The following ALK variants were observed in gnomAD, a reference collection of about 807,000 sequenced individuals.
The protein encoded by ALK is ALK receptor tyrosine kinase.
Under a neutral mutation model 163.1 loss-of-function variants are expected in ALK, and 74 were observed. That is an observed-to-expected ratio of 0.45 (90% CI 0.38 to 0.55). The LOEUF is 0.55. Among genes scored for constraint, ALK ranks in the 20% least tolerant of loss-of-function variants. ALK has a pLI of 0.00. For synonymous variants in ALK, 960 were observed against 843.2 expected (o/e 1.14, Z -2.40); for missense variants, 2,063 against 2,105.3 (o/e 0.98, Z 0.39).
chr2:29,197,133 T>C (rs1669042918), intron 27 of ALK, among the ~76,000 whole-genome samples: 1 of 152,204 alleles, frequency 6.6e-6, no homozygotes, highest in African/African-American at 2.4e-5. Flanking sequence ...ATTCCAATTA[T>C]ATTTCCCATC....
At chr2:29,378,848 C>G (rs1668822755) in intron 5 of ALK, among the ~76,000 whole-genome samples, 1 of 152,070 alleles carries the variant, frequency 6.6e-6, no homozygotes, top group African/African-American at 2.4e-5. Flanking sequence ...GTAGCTGAGA[C>G]CACAGGTGCA....
intron 4 of ALK, among the ~76,000 whole-genome samples, chr2:29,494,983 C>T (rs900621318): frequency 1.3e-5 from 2 of 152,128 alleles, no homozygotes; most frequent in African/African-American, 2.4e-5. Flanking sequence ...ATAGATATCG[C>T]TCACCTGCGA....
At chr2:29,655,805 T>C (rs1043144549) in intron 3 of ALK, among the ~76,000 whole-genome samples, 4 of 152,228 alleles carry the variant, frequency 2.6e-5, no homozygotes, top group Non-Finnish European at 5.9e-5. Flanking sequence ...GTTTCTCTTT[T>C]CTGAAGGATT....
chr2:29,447,469 A>G (rs552766772), intron 4 of ALK, among the ~76,000 whole-genome samples: 2 of 152,346 alleles, frequency 1.3e-5, no homozygotes, highest in East Asian at 1.9e-4. Context: ...GAGGGAAAAA[A>G]AAAATCTCGT....
At chr2:29,235,856 C>CTTTTTTTT (rs569363324) in intron 13 of ALK, among the ~76,000 whole-genome samples, 5 of 38,294 alleles carry the variant, frequency 1.3e-4, no homozygotes, top group South Asian at 2.1e-3. Context: ...CCAGGCTCGA[C>CTTTTTTTT]TTTTTTTTTT....
Position 29,673,822 on chromosome 2 carries a change from C to T in ALK, c.952+21028G>A, listed in dbSNP as rs992434553. On this transcript the variant is annotated intron_variant, in intron 3 of 28. Transcript: ENST00000389048. ...TTCCTACCCAAGAGCATGGAATGTT[C>T]TTCCATTTGTTTGTATCCTCTTTTA... 8.1e-3 allele frequency among the ~76,000 whole-genome samples: 1,230 copies of T among 151,206 alleles called. 15 individuals carry two copies. The highest frequency in any genetic ancestry group is 0.044 in the South Asian group (209 of 4,758).
At chr2:29,912,295 T>C (rs1462868031) in intron 1 of ALK, among the ~76,000 whole-genome samples, 3 of 152,004 alleles carry the variant, frequency 2.0e-5, no homozygotes, top group Non-Finnish European at 4.4e-5. Flanking sequence ...CATGCAGAGA[T>C]ACATCATAAT....
At chr2:29,431,865 C>G (rs1210149306) in intron 4 of ALK, among the ~76,000 whole-genome samples, 1 of 152,096 alleles carries the variant, frequency 6.6e-6, no homozygotes, top group Non-Finnish European at 1.5e-5. Context: ...GACCCAGATA[C>G]AAGTCAGATG....
At chr2:29,890,636 T>C (rs1253844233) in intron 1 of ALK, 1 of 152,234 alleles carries the variant, frequency 6.6e-6, no homozygotes, top group African/African-American at 2.4e-5. Context: ...ATATTCTCTC[T>C]CCACGGCCCC....
At chr2:29,891,030 T>C (rs1253257607) in intron 1 of ALK, 1 of 152,156 alleles carries the variant, frequency 6.6e-6, no homozygotes, top group African/African-American at 2.4e-5. Context: ...TCTATAAAAA[T>C]GGGGATAGTA....
At chr2:29,634,525 T>C (rs576462874) in intron 3 of ALK, among the ~76,000 whole-genome samples, 1 of 151,986 alleles carries the variant, frequency 6.6e-6, no homozygotes, top group Admixed American at 6.5e-5. Flanking sequence ...AGAAGATAAA[T>C]CACATGATAA....
chr2:29,876,689 GGTGATGGTA>G (rs1375736922), intron 1 of ALK, among the ~76,000 whole-genome samples: 2 of 136,308 alleles, frequency 1.5e-5, no homozygotes, highest in Non-Finnish European at 3.1e-5. Context: ...ATGGTGATAT[GGTGATGGTA>G]GTGATGGTGA....
At chr2:29,705,264 TATATATATATATATATAA>T (rs1232912746) in intron 2 of ALK, among the ~76,000 whole-genome samples, 1,884 of 55,720 alleles carry the variant, frequency 0.034, 101 homozygotes, top group African/African-American at 0.15. Flanking sequence ...TATATATATA[TATATATATATATATATAA>T]ATATATATCT....
At chr2:29,622,470 C>T (rs1039350730) in intron 3 of ALK, among the ~76,000 whole-genome samples, 18 of 152,290 alleles carry the variant, frequency 1.2e-4, no homozygotes, top group East Asian at 5.8e-4. Context: ...GAGAATAGCA[C>T]GGGAAAGACC....
At chr2:29,335,915 C>G (rs1392706112) in intron 5 of ALK, among the ~76,000 whole-genome samples, 1 of 152,050 alleles carries the variant, frequency 6.6e-6, no homozygotes, top group Non-Finnish European at 1.5e-5. Context: ...TCATGGACAC[C>G]TGTAATCACA....
At chr2:29,918,160 GT>G (rs1667885629) in intron 1 of ALK, among the ~76,000 whole-genome samples, 1 of 152,184 alleles carries the variant, frequency 6.6e-6, no homozygotes, top group Non-Finnish European at 1.5e-5. Context: ...CAACCTACCT[GT>G]TTACAGTTGG....
chr2:29,237,043 TC>T (rs1273501833), intron 13 of ALK, among the ~76,000 whole-genome samples: 3 of 152,290 alleles, frequency 2.0e-5, no homozygotes, highest in Admixed American at 6.5e-5. Flanking sequence ...GCAGCTCCCT[TC>T]TTCCAGTGGC....
intron 5 of ALK, among the ~76,000 whole-genome samples, chr2:29,367,018 G>A (rs1027558194): frequency 1.3e-5 from 2 of 151,870 alleles, no homozygotes; most frequent in Non-Finnish European, 2.9e-5. Flanking sequence ...TTTCAAACAC[G>A]CCGCTTCCCT....
At chr2:29,297,197 C>T in intron 8 of ALK, 140 bp from the exon 9 acceptor site, 2 of 861,278 alleles carry the variant, frequency 2.3e-6, no homozygotes, top group Middle Eastern at 2.3e-4. Context: ...TGCCCACCAC[C>T]TGTCTCACCA....
Sources: gnomAD v4.1 joint callset for allele counts (sites outside exome capture counted in the v4.1 genomes callset) on GRCh38, gnomAD v4.1.1 for gene constraint, MANE v1.5 for transcripts, NCBI Gene and HGNC (gene_info 2026-07-23, HGNC 2026-07-21) for gene names.